CLMN: variants seen among roughly 807,000 people sequenced by gnomAD.
CLMN encodes calmin.
Under a neutral mutation model 92.7 loss-of-function variants are expected in CLMN, and 57 were observed. The observed-to-expected ratio is 0.61, with a 90% CI of 0.50 to 0.77. The LOEUF (loss-of-function observed/expected upper bound fraction) is 0.77. Among genes scored for constraint, CLMN ranks in the 30% least tolerant of loss-of-function variants. The pLI is 0.00. For missense variants in CLMN, 1,158 were observed against 1,237.5 expected (o/e 0.94, Z 0.96); for synonymous variants, 466 against 470.6 (o/e 0.99, Z 0.13).
intron 1 of CLMN, among the ~76,000 whole-genome samples, chr14:95,272,630 G>A (rs1272283302): frequency 6.6e-6 from 1 of 152,216 alleles, no homozygotes; most frequent in Non-Finnish European, 1.5e-5. Context: ...TGTTGTGAGT[G>A]CTTCATTCTT....
intron 1 of CLMN, among the ~76,000 whole-genome samples, chr14:95,282,260 C>G (rs756314894): frequency 6.6e-6 from 1 of 152,008 alleles, no homozygotes; most frequent in African/African-American, 2.4e-5. Context: ...ATTTGCACTT[C>G]TAGGGAACCA....
chr14:95,225,813 C>G (rs765102999), intron 2 of CLMN, among the ~76,000 whole-genome samples: 2 of 152,156 alleles, frequency 1.3e-5, no homozygotes, highest in Non-Finnish European at 1.5e-5. Flanking sequence ...CCAGAAGCCC[C>G]CTGGGCTTTC....
At chr14:95,276,448 C>T (rs1456379927) in intron 1 of CLMN, among the ~76,000 whole-genome samples, 1 of 152,098 alleles carries the variant, frequency 6.6e-6, no homozygotes, top group African/African-American at 2.4e-5. Flanking sequence ...GCTTTTTTCT[C>T]CCCAAAGGGG....
chr14:95,253,289 C>T (rs922882108), intron 1 of CLMN, among the ~76,000 whole-genome samples: 1 of 152,194 alleles, frequency 6.6e-6, no homozygotes, highest in African/African-American at 2.4e-5. Flanking sequence ...ATGGGACTCA[C>T]AGCGCTTACC....
At chr14:95,310,993 G>A (rs963302702) in intron 1 of CLMN, among the ~76,000 whole-genome samples, 5 of 152,162 alleles carry the variant, frequency 3.3e-5, no homozygotes, top group African/African-American at 7.2e-5. Flanking sequence ...TTGCAGGGCC[G>A]GAGCAGGACG....
In CLMN at chr14:95,203,551, T is replaced by C; in HGVS notation, c.1798A>G (p.Asn600Asp). 1 of 1,614,218 alleles carries C rather than the reference T, an allele frequency of 6.2e-7. No homozygotes were observed. Among genetic ancestry groups the C allele is most frequent in the Non-Finnish European group, 8.5e-7 (1 of 1,180,032 alleles). ...KPDEDAEAFE[N>D]HAEKLGKRSI... ...CTTTTACCTAGTTTTTCAGCATGAT[T>C]CTCAAAAGCCTCAGCATCCTCGTCA... Residue 600 changes from asparagine to aspartate, a missense_variant, in exon 9 of 13, where the codon AAT (asparagine) becomes GAT (aspartate). Asn to Asp is a conservative substitution (Grantham distance 23). Coordinates refer to ENST00000298912, the MANE Select transcript of CLMN (RefSeq NM_024734.4).
At chr14:95,227,293 G>A (rs1376132793) in intron 2 of CLMN, among the ~76,000 whole-genome samples, 25 of 152,188 alleles carry the variant, frequency 1.6e-4, no homozygotes. Flanking sequence ...CAAAATACAG[G>A]GCAATTCCAC....
intron 1 of CLMN, among the ~76,000 whole-genome samples, chr14:95,250,921 ATGGAAAGGACAAGCACTAGAAAAGG>A (rs1303299717): frequency 2.6e-5 from 4 of 152,176 alleles, no homozygotes; most frequent in African/African-American, 9.7e-5. Context: ...GGGGAGGAGA[ATGGAAAGGACAAGCACTAGAAAAGG>A]TGGCAAGGAC....
chr14:95,291,505 G>A (rs1176545440), intron 1 of CLMN, among the ~76,000 whole-genome samples: 1 of 152,184 alleles, frequency 6.6e-6, no homozygotes, highest in South Asian at 2.1e-4. Flanking sequence ...AGGTGCGGCT[G>A]GGGATTATCA....
intron 9 of CLMN, among the ~76,000 whole-genome samples, chr14:95,197,297 G>A (rs1896744457): frequency 6.8e-6 from 1 of 146,406 alleles, no homozygotes; most frequent in Admixed American, 6.9e-5. Flanking sequence ...AGAAGGAGGA[G>A]GAAGAAGAAG....
chr14:95,195,670 C>T (rs1476946778), intron 10 of CLMN, among the ~76,000 whole-genome samples: 21 of 152,200 alleles, frequency 1.4e-4, no homozygotes, highest in Admixed American at 1.4e-3. Context: ...TTACCTGGCC[C>T]CCTGACCTTC....
In CLMN at chr14:95,310,966, C is replaced by T. The variant is rs370656441; in HGVS notation, c.82+8745G>A. Among the ~76,000 whole-genome samples, 28 of 152,166 alleles carry T rather than the reference C, an allele frequency of 1.8e-4. No individual in the cohort carries two copies. The South Asian group carries it at 4.6e-3, about 25-fold the overall frequency. On this transcript the variant is annotated intron_variant, in intron 1 of 12. Coordinates refer to ENST00000298912, the MANE Select transcript of CLMN (RefSeq NM_024734.4). ...CCCTGGTGGAGAGATGGATGGGGTGCGAGAAAAGTCTTTGGGTTGCAGGGC... is the reference window on the plus strand; with the variant it reads ...CCCTGGTGGAGAGATGGATGGGGTGTGAGAAAAGTCTTTGGGTTGCAGGGC...
At chr14:95,301,001 A>T (rs181778517) in intron 1 of CLMN, among the ~76,000 whole-genome samples, 225 of 152,370 alleles carry the variant, frequency 1.5e-3, no homozygotes, top group African/African-American at 5.3e-3. Flanking sequence ...AATAGAAATA[A>T]AAGTTGCAGA....
At chr14:95,232,126 A>G (rs562412297) in intron 1 of CLMN, among the ~76,000 whole-genome samples, 163 of 152,350 alleles carry the variant, frequency 1.1e-3, no homozygotes, top group African/African-American at 3.7e-3. Flanking sequence ...CTGTGGCCTT[A>G]GCTGTCTTGG....
chr14:95,301,724 C>G (rs1305452494), intron 1 of CLMN, among the ~76,000 whole-genome samples: 3 of 152,242 alleles, frequency 2.0e-5, no homozygotes. Context: ...AGGCCATCCC[C>G]ACCAAGCCCC....
At position 95,215,636 on chromosome 14, in the gene CLMN, C is replaced by G. The variant is rs776740249; in HGVS notation, c.417+5G>C. The G allele has an allele frequency of 1.2e-6, 2 of 1,612,104 alleles. No individual in the cohort carries two copies. Among genetic ancestry groups the G allele is most frequent in the Non-Finnish European group, 1.7e-6 (2 of 1,178,142 alleles). ...TTGTGTGTTTTGGAAAAGAAATGAT[C>G]TTACCTGGAAGAAGAGGATTATGTT... is the stretch of plus-strand genomic sequence containing the variant. On this transcript the variant is annotated splice_donor_5th_base_variant and intron_variant, in intron 5 of 12. Coordinates refer to ENST00000298912, the MANE Select transcript of CLMN (RefSeq NM_024734.4).
intron 1 of CLMN, among the ~76,000 whole-genome samples, chr14:95,295,076 T>TG (rs1470436745): frequency 6.6e-6 from 1 of 152,216 alleles, no homozygotes; most frequent in Non-Finnish European, 1.5e-5. Context: ...GCCCCATCTC[T>TG]GTAAACAGCC....
At chr14:95,254,709 T>A (rs1304745934) in intron 1 of CLMN, among the ~76,000 whole-genome samples, 2 of 152,124 alleles carry the variant, frequency 1.3e-5, no homozygotes, top group South Asian at 2.1e-4. Flanking sequence ...CTTTTTAAAA[T>A]TTTTTTGAGA....
At chr14:95,261,754 C>T (rs1274072894) in intron 1 of CLMN, among the ~76,000 whole-genome samples, 1 of 152,228 alleles carries the variant, frequency 6.6e-6, no homozygotes, top group African/African-American at 2.4e-5. Context: ...CAGGTCCACC[C>T]GCTCCTCTCA....
Sources: gnomAD v4.1 joint callset for allele counts (sites outside exome capture counted in the v4.1 genomes callset) on GRCh38, gnomAD v4.1.1 for gene constraint, MANE v1.5 for transcripts, NCBI Gene and HGNC (gene_info 2026-07-23, HGNC 2026-07-21) for gene names.